CAPN15: variants seen among roughly 807,000 people sequenced by gnomAD.
The protein encoded by CAPN15 is calpain 15, also known as calpain-15.
In CAPN15, 53 loss-of-function variants were observed where a neutral mutation model predicts 97.9. That is an observed-to-expected ratio of 0.54 (90% CI 0.43 to 0.68). CAPN15 has a LOEUF of 0.68. CAPN15 is among the 30% of genes least tolerant of loss of function. CAPN15 has a pLI of 0.00. For synonymous variants in CAPN15, 922 were observed against 722.5 expected (o/e 1.28, Z -4.43); for missense variants, 1,592 against 1,589.8 (o/e 1.00, Z -0.02).
At chr16:531,559 C>T (rs896353947) in intron 1 of CAPN15, among the ~76,000 whole-genome samples, 1 of 152,224 alleles carries the variant, frequency 6.6e-6, no homozygotes, top group African/African-American at 2.4e-5. Flanking sequence ...GAAAGAGGTG[C>T]CACGAGGCCT....
intron 3 of CAPN15, chr16:539,290 C>A (rs546290595): frequency 6.6e-6 from 1 of 152,412 alleles, no homozygotes; most frequent in South Asian, 2.1e-4. Flanking sequence ...CCACAGCCGG[C>A]CAGCCTGCCG....
intron 8 of CAPN15, 23 bp downstream of exon 8, chr16:551,450 T>G (rs772654111): frequency 1.3e-5 from 21 of 1,599,588 alleles, no homozygotes; most frequent in Non-Finnish European, 1.8e-5. Context: ...TGGCTGAGGG[T>G]GGGTGGGGTG....
chr16:534,844 G>A (rs895592901), intron 2 of CAPN15, among the ~76,000 whole-genome samples: 2 of 152,200 alleles, frequency 1.3e-5, no homozygotes, highest in East Asian at 1.9e-4. Flanking sequence ...GGGCATCCTT[G>A]TTGGGGTCGC....
Position 548,108 on chromosome 16 carries a change from C to G in CAPN15, c.1270C>G (p.Leu424Val), listed in dbSNP as rs979357715. 1.3e-6 allele frequency: 2 copies of G among 1,538,666 alleles called. No homozygotes were observed. The highest frequency in any genetic ancestry group is 1.7e-6 in the Non-Finnish European group (2 of 1,143,344). Residue 424 changes from leucine to valine, a missense_variant, in exon 4 of 14, where the codon CTC becomes GTC. This residue lies in a region of CAPN15 where 883 missense variants were observed against 776.6 expected (regional missense o/e 1.14). Transcript: ENST00000219611. ...GTGGGCCTGCCCTGCCTGTACCCTG[C>G]TCAACGCACTGCGGGCCAAGCACTG... ...GQWACPACTL[L>V]NALRAKHCAA...
Position 546,809 on chromosome 16 carries a change from C to T in CAPN15, c.-22-8C>T. On this transcript the variant is annotated splice_polypyrimidine_tract_variant and splice_region_variant and intron_variant, in intron 3 of 13. Transcript: ENST00000219611. ...CAGGGTGGCCCTGATGAGCACCTTC[C>T]CTTGCAGCCACACCCACTCGCCCGG... The T allele has an allele frequency of 6.4e-7, 1 of 1,571,684 alleles. No individual in the cohort carries two copies. The highest frequency in any genetic ancestry group is 8.6e-7 in the Non-Finnish European group (1 of 1,156,296).
chr16:529,640 G>C (rs1200088526), intron 1 of CAPN15, among the ~76,000 whole-genome samples: 1 of 152,104 alleles, frequency 6.6e-6, no homozygotes, highest in Non-Finnish European at 1.5e-5. Flanking sequence ...TGGTGGCCGA[G>C]TTGCCCCTGG....
intron 7 of CAPN15, among the ~76,000 whole-genome samples, chr16:550,648 C>T (rs1204173776): frequency 6.6e-6 from 1 of 151,968 alleles, no homozygotes. Flanking sequence ...GTGAGGGTTC[C>T]CTGTCGGTGA....
chr16:544,437 C>T (rs966068504), intron 3 of CAPN15, among the ~76,000 whole-genome samples: 4 of 152,056 alleles, frequency 2.6e-5, no homozygotes, highest in Non-Finnish European at 5.9e-5. Context: ...AGAAAGGGGC[C>T]GCCTCCCAGG....
Position 548,116 on chromosome 16 carries a change from A to G in CAPN15, c.1278A>G (p.Ala426=). The part of the protein sequence containing the change: ...WACPACTLLN[A]LRAKHCAACH... ...GCCCTGCCTGTACCCTGCTCAACGC[A>G]CTGCGGGCCAAGCACTGCGCCGCCT... The change falls in exon 4 of 14, where the codon GCA becomes GCG. Residue 426 remains alanine, a synonymous_variant. Coordinates refer to ENST00000219611, the MANE Select transcript of CAPN15 (RefSeq NM_005632.3). 3 of 1,536,410 alleles carry G rather than the reference A, an allele frequency of 2.0e-6. No individual in the cohort carries two copies. Among genetic ancestry groups the G allele is most frequent in the Non-Finnish European group, 2.6e-6 (3 of 1,142,394 alleles).
rs548266320 is a variant in CAPN15, at chr16:541,165, G to A, written c.-23+5023G>A. On this transcript the variant is annotated intron_variant, in intron 3 of 13. Coordinates refer to ENST00000219611, the MANE Select transcript of CAPN15 (RefSeq NM_005632.3). ...CTGTTGGCCCCCAGGTGGGAGGGACGGGCGTGGAGCTGCAGGCAGTGGGCA... is the reference window on the plus strand; with the variant it reads ...CTGTTGGCCCCCAGGTGGGAGGGACAGGCGTGGAGCTGCAGGCAGTGGGCA... 2.1e-3 allele frequency among the ~76,000 whole-genome samples: 322 copies of A among 152,360 alleles called. 1 individual carries two copies. Among genetic ancestry groups the A allele is most frequent in the Non-Finnish European group, 3.5e-3 (241 of 68,030 alleles).
Position 535,914 on chromosome 16 carries a change from G to A in CAPN15, c.-136-115G>A, listed in dbSNP as rs2033673607. The A allele has an allele frequency of 5.6e-6, 1 of 178,938 alleles. No individual in the cohort carries two copies. Among genetic ancestry groups the A allele is most frequent in the African/African-American group, 2.4e-5 (1 of 41,796 alleles). 11.1% of individuals were successfully genotyped at this position (178,938 alleles called of 1,614,324 possible). ...CCCAGGGCATGTCCCTGGGGTCAGG[G>A]GTCAGAGTTCGGCATGCTCTGCGGG... On this transcript the variant is annotated intron_variant, in intron 2 of 13. Transcript: ENST00000219611. This position sits in a 1 kb window ranked among gnomAD's most constrained non-coding sequence, Gnocchi z 6.2.
Position 552,894 on chromosome 16 carries a change from C to T in CAPN15, c.2936C>T (p.Thr979Ile), listed in dbSNP as rs766682956. ...GREGMTCYYL[T>I]HGWAGLIVVV... The stretch of plus-strand genomic sequence containing the variant: ...GAGGGCATGACCTGCTACTACCTGA[C>T]ACACGGTTGGGCGGGGCTCATCGTG... The change falls in exon 13 of 14, where the codon ACA becomes ATA. Residue 979 changes from threonine to isoleucine, a missense_variant. This residue lies in a region of CAPN15 where 644 missense variants were observed against 699.6 expected (regional missense o/e 0.92). Coordinates refer to ENST00000219611, the MANE Select transcript of CAPN15 (RefSeq NM_005632.3). The surrounding 1 kb of genome is among the most constrained non-coding windows in gnomAD (Gnocchi z 6.4). The T allele has an allele frequency of 3.1e-6, 5 of 1,609,824 alleles. No individual in the cohort carries two copies. Among genetic ancestry groups the T allele is most frequent in the Non-Finnish European group, 4.2e-6 (5 of 1,178,186 alleles).
intron 3 of CAPN15, among the ~76,000 whole-genome samples, chr16:544,136 C>A (rs535716218): frequency 2.0e-5 from 3 of 152,180 alleles, no homozygotes; most frequent in Non-Finnish European, 1.5e-5. Flanking sequence ...TGACCGGCGC[C>A]GGGCTGTGGC....
chr16:546,753 G>C, intron 3 of CAPN15, 64 bp from the exon 4 acceptor site: 2 of 1,488,090 alleles, frequency 1.3e-6, no homozygotes, highest in Non-Finnish European at 8.9e-7. Flanking sequence ...CAGGCCGAGA[G>C]GAGGGTGGGG....
chr16:534,231 C>CGGGGGCGTGGTCCTGTCGTGGG (rs370331827), intron 2 of CAPN15, among the ~76,000 whole-genome samples: 1 of 147,792 alleles, frequency 6.8e-6, no homozygotes, highest in Admixed American at 6.6e-5. Flanking sequence ...GGGGTCCCGA[C>CGGGGGCGTGGTCCTGTCGTGGG]AGGGGTGTTT....
chr16:547,571 C>T lies in CAPN15; in HGVS notation c.733C>T (p.Pro245Ser). 1 of 1,585,818 alleles carries T rather than the reference C, an allele frequency of 6.3e-7. No homozygotes were observed. The highest frequency in any genetic ancestry group is 8.5e-7 in the Non-Finnish European group (1 of 1,169,936). ...GTCCACCCTGCAGAACAACCCCGTG[C>T]CGCGCAGCCGACGCGAGGTTCCCCC... The part of the protein sequence containing the change: ...FSSTLQNNPV[P>S]RSRREVPPQL... The change falls in exon 4 of 14, where the codon CCG (proline) becomes TCG (serine). Residue 245 changes from proline to serine, a missense_variant. Pro to Ser is a moderately conservative substitution (Grantham distance 74). This residue lies in a region of CAPN15 where 883 missense variants were observed against 776.6 expected (regional missense o/e 1.14). Coordinates refer to ENST00000219611, the MANE Select transcript of CAPN15 (RefSeq NM_005632.3).
chr16:551,775 C>A lies in CAPN15; in HGVS notation c.2345+111C>A. On this transcript the variant is annotated intron_variant, in intron 9 of 13. Coordinates refer to ENST00000219611, the MANE Select transcript of CAPN15 (RefSeq NM_005632.3). ...CTGACCTGGGGTGGGGCGGCTTGTT[C>A]GTGGCCCAAATGGGACCTGGAGCTT... 7 of 1,404,264 alleles carry A rather than the reference C, an allele frequency of 5.0e-6. No homozygotes were observed. In the South Asian group the frequency reaches 8.4e-5, roughly 17 times the overall value. The allele number at this position is 1,404,264 out of a possible 1,614,324, so 87.0% of individuals were successfully genotyped here. A position where few individuals can be genotyped will look rare whatever the true frequency, so the allele number is the denominator to read the frequency against.
intron 3 of CAPN15, among the ~76,000 whole-genome samples, chr16:536,427 T>G (rs1296181988): frequency 8.3e-5 from 2 of 24,110 alleles, no homozygotes; most frequent in African/African-American, 2.1e-3. Flanking sequence ...TGGGAGCCTA[T>G]TTTTTTTTTT....
chr16:539,340 G>C (rs1451797856), intron 3 of CAPN15: 3 of 152,330 alleles, frequency 2.0e-5, no homozygotes, highest in African/African-American at 7.2e-5. Flanking sequence ...GGAGAGGGGA[G>C]TGTATCGGAC....
Sources: allele counts gnomAD v4.1 joint callset (sites outside exome capture counted in the v4.1 genomes callset), GRCh38; gene constraint gnomAD v4.1.1; regional missense constraint gnomAD v4.1.1; non-coding constraint Gnocchi (gnomAD v3.1); transcripts MANE v1.5; gene names NCBI Gene and HGNC (gene_info 2026-07-23, HGNC 2026-07-21).